IQCM: variants seen among roughly 807,000 people sequenced by gnomAD.
IQCM encodes the protein IQ domain-containing protein M.
Under a neutral mutation model 57.6 loss-of-function variants are expected in IQCM, and 45 were observed. The observed-to-expected ratio is 0.78, with a 90% CI of 0.62 to 1.00. The LOEUF is 1.00. Among genes scored for constraint, IQCM ranks in the 50% least tolerant of loss-of-function variants. The probability of loss-of-function intolerance (pLI) is 0.00; values close to 1 mark genes in which losing one functional copy is unlikely to be tolerated. For missense variants in IQCM, 468 were observed against 511.6 expected (o/e 0.91, Z 0.82); for synonymous variants, 148 against 158.9 (o/e 0.93, Z 0.51).
At chr4:149,456,270 T>C (rs980765260) in intron 12 of IQCM, among the ~76,000 whole-genome samples, 4 of 152,086 alleles carry the variant, frequency 2.6e-5, no homozygotes, top group African/African-American at 9.7e-5. Context: ...TTGTTCTCTG[T>C]GTCCTTGTGT....
At chr4:149,401,063 A>G in intron 13 of IQCM, among the ~76,000 whole-genome samples, 1 of 151,736 alleles carries the variant, frequency 6.6e-6, no homozygotes, top group Non-Finnish European at 1.5e-5. Flanking sequence ...AATTTAACGC[A>G]TATCTCTTTA....
chr4:149,722,690 A>AG (rs1765552318), intron 5 of IQCM, among the ~76,000 whole-genome samples: 2 of 151,872 alleles, frequency 1.3e-5, no homozygotes, highest in South Asian at 4.1e-4. Context: ...TTGTTACTAT[A>AG]GCTTTATGGT....
chr4:149,431,062 G>C (rs1293785117), intron 13 of IQCM, among the ~76,000 whole-genome samples: 1 of 151,744 alleles, frequency 6.6e-6, no homozygotes. Context: ...AAAATTAGCT[G>C]GGTGTGGTGG....
chr4:149,785,589 A>T (rs1772005887), intron 2 of IQCM, among the ~76,000 whole-genome samples: 1 of 152,172 alleles, frequency 6.6e-6, no homozygotes, highest in African/African-American at 2.4e-5. Context: ...TACAATTAAC[A>T]TCAGGGAGAA....
At chr4:149,465,201 A>G (rs1318489661) in intron 12 of IQCM, among the ~76,000 whole-genome samples, 1 of 152,212 alleles carries the variant, frequency 6.6e-6, no homozygotes, top group Non-Finnish European at 1.5e-5. Context: ...AATTTCTATG[A>G]AGAGCAAAGT....
At chr4:149,400,294 GT>G (rs1158890561) in intron 13 of IQCM, among the ~76,000 whole-genome samples, 3 of 151,244 alleles carry the variant, frequency 2.0e-5, no homozygotes, top group Non-Finnish European at 4.4e-5. Flanking sequence ...ATAATGGTAC[GT>G]GAGCTATCTT....
intron 5 of IQCM, among the ~76,000 whole-genome samples, chr4:149,709,566 A>T (rs1764408250): frequency 6.6e-6 from 1 of 152,114 alleles, no homozygotes; most frequent in African/African-American, 2.4e-5. Context: ...TATCATCAGC[A>T]CTTAACAACA....
chr4:149,358,340 G>A lies in IQCM; in HGVS notation c.1391-6274C>T, dbSNP rs184757535. Among the ~76,000 whole-genome samples the A allele has an allele frequency of 7.8e-3, 1,179 of 152,006 alleles. 12 individuals carry two copies. Among genetic ancestry groups the A allele is most frequent in the African/African-American group, 0.022 (911 of 41,466 alleles). ...CTAGTTCTTTTAATTGTGATGTTAG[G>A]GTGTCGATTTTAGATCTTTCCTGCT... On this transcript the variant is annotated intron_variant, in intron 13 of 13. Transcript: ENST00000636793.
intron 12 of IQCM, among the ~76,000 whole-genome samples, chr4:149,528,189 T>C (rs562662001): frequency 2.0e-5 from 3 of 152,198 alleles, no homozygotes; most frequent in East Asian, 1.9e-4. Context: ...TTTCACCACG[T>C]TGGCCATGCT....
At chr4:149,748,760 G>A (rs1768164110) in intron 2 of IQCM, 1 of 152,098 alleles carries the variant, frequency 6.6e-6, no homozygotes, top group South Asian at 2.1e-4. Context: ...GAGTAACTTG[G>A]GGGTAAAAAG....
chr4:149,420,550 G>T (rs1040076563), intron 13 of IQCM, among the ~76,000 whole-genome samples: 2 of 151,950 alleles, frequency 1.3e-5, no homozygotes, highest in East Asian at 1.9e-4. Flanking sequence ...TAGGTGATGG[G>T]TTGATAGGTG....
intron 7 of IQCM, among the ~76,000 whole-genome samples, chr4:149,656,142 AG>A (rs1759617292): frequency 6.6e-6 from 1 of 152,114 alleles, no homozygotes; most frequent in South Asian, 2.1e-4. Flanking sequence ...TGAAACTCAA[AG>A]GAGAGCATAC....
At chr4:149,395,412 G>T (rs1037732516) in intron 13 of IQCM, among the ~76,000 whole-genome samples, 1 of 151,958 alleles carries the variant, frequency 6.6e-6, no homozygotes, top group Non-Finnish European at 1.5e-5. Context: ...CAAAACACCG[G>T]TATGTGGATT....
intron 7 of IQCM, among the ~76,000 whole-genome samples, chr4:149,671,198 G>C (rs1352364254): frequency 2.0e-5 from 3 of 151,966 alleles, no homozygotes; most frequent in Non-Finnish European, 2.9e-5. Flanking sequence ...ACTTCTTCCT[G>C]GTTTAGTCTT....
chr4:149,410,057 A>T (rs1359703472), intron 13 of IQCM, among the ~76,000 whole-genome samples: 1 of 152,120 alleles, frequency 6.6e-6, no homozygotes, highest in Non-Finnish European at 1.5e-5. Context: ...GGCGGTGGGC[A>T]ACTGTAATCC....
At position 149,742,755 on chromosome 4, in the gene IQCM, A is replaced by T; in HGVS notation, c.-48-16T>A. 9.8e-7 allele frequency: 1 copy of T among 1,015,706 alleles called. No individual in the cohort carries two copies. The highest frequency in any genetic ancestry group is 1.3e-6 in the Non-Finnish European group (1 of 790,452). 62.9% of individuals were successfully genotyped at this position (1,015,706 alleles called of 1,614,324 possible). A position where few individuals can be genotyped will look rare whatever the true frequency, so the allele number is the denominator to read the frequency against. On this transcript the variant is annotated splice_polypyrimidine_tract_variant and intron_variant, in intron 2 of 13. Coordinates refer to ENST00000636793, the MANE Select transcript of IQCM (RefSeq NM_001363507.2). ...GCTCCAAGTCCTTAAACACAGTTAC[A>T]TTAAGTAATTCAGTGATGATAAATA...
intron 3 of IQCM, among the ~76,000 whole-genome samples, chr4:149,740,264 C>A (rs571594231): frequency 6.6e-6 from 1 of 152,256 alleles, no homozygotes; most frequent in Non-Finnish European, 1.5e-5. Context: ...ACAGGTGTAA[C>A]AAAAGCCCCA....
In IQCM at chr4:149,436,697, T is replaced by C. The variant is rs17026249; in HGVS notation, c.1229-3140A>G. ...AATTTGTTTCTGATATTAATAATTTTTGCTGTTTATGGACTGCTTCTTTTT... is the reference window on the plus strand; with the variant it reads ...AATTTGTTTCTGATATTAATAATTTCTGCTGTTTATGGACTGCTTCTTTTT... On this transcript the variant is annotated intron_variant, in intron 12 of 13. Coordinates refer to ENST00000636793, the MANE Select transcript of IQCM (RefSeq NM_001363507.2). Among the ~76,000 whole-genome samples the C allele has an allele frequency of 9.4e-3, 1,437 of 152,230 alleles. 16 individuals carry two copies. Among genetic ancestry groups the C allele is most frequent in the African/African-American group, 0.033 (1,365 of 41,566 alleles).
intron 2 of IQCM, among the ~76,000 whole-genome samples, chr4:149,797,477 G>C (rs562893163): frequency 2.6e-5 from 4 of 152,144 alleles, no homozygotes; most frequent in African/African-American, 9.6e-5. Flanking sequence ...AGAGGAAGTA[G>C]AGAAAGAGAT....
Sources: allele counts gnomAD v4.1 joint callset (sites outside exome capture counted in the v4.1 genomes callset), GRCh38; gene constraint gnomAD v4.1.1; transcripts MANE v1.5; gene names NCBI Gene and HGNC (gene_info 2026-07-23, HGNC 2026-07-21).